Variants in CACNA2D3 observed in about 807,000 individuals in gnomAD.
The protein encoded by CACNA2D3 is calcium voltage-gated channel auxiliary subunit alpha2delta 3, also known as voltage-dependent calcium channel subunit alpha-2/delta-3.
Under a neutral mutation model 160.6 loss-of-function variants are expected in CACNA2D3, and 60 were observed. The ratio of observed to expected loss-of-function variants is 0.37; its 90% CI spans 0.30 to 0.46. The LOEUF (loss-of-function observed/expected upper bound fraction) is 0.46. Ranked by LOEUF, CACNA2D3 falls within the 20% of genes least tolerant of loss-of-function variation. CACNA2D3 has a pLI of 1.00. For missense variants in CACNA2D3, 1,205 were observed against 1,365.0 expected, an observed-to-expected ratio of 0.88 and a Z score of 1.85; for synonymous variants, 558 against 492.9, an observed-to-expected ratio of 1.13 and a Z score of -1.75.
chr3:54,400,721 C>T (rs116799609), intron 4 of CACNA2D3, among the ~76,000 whole-genome samples: 1 of 152,108 alleles, frequency 6.6e-6, no homozygotes, highest in Non-Finnish European at 1.5e-5. Context: ...CAAATTGGCA[C>T]AGTAAGACCC....
intron 14 of CACNA2D3, among the ~76,000 whole-genome samples, chr3:54,826,340 C>T (rs1016615293): frequency 6.6e-6 from 1 of 152,154 alleles, no homozygotes; most frequent in Non-Finnish European, 1.5e-5. Flanking sequence ...TAAACTGGAG[C>T]AGTTGTGCAA....
At chr3:54,339,543 T>G (rs1704469484) in intron 3 of CACNA2D3, among the ~76,000 whole-genome samples, 2 of 152,188 alleles carry the variant, frequency 1.3e-5, no homozygotes, top group Admixed American at 1.3e-4. Context: ...ACTAGAACTT[T>G]AGCCCAGTGA....
At chr3:54,316,076 GGT>G (rs10543331) in intron 2 of CACNA2D3, among the ~76,000 whole-genome samples, 98,591 of 150,638 alleles carry the variant, frequency 0.65, 32,767 homozygotes, top group Non-Finnish European at 0.74. Flanking sequence ...CTCCTAGCAG[GGT>G]GTGTGTGTGT....
In CACNA2D3 at chr3:54,386,788, G is replaced by GT; in HGVS notation, c.381+17dup. 1 of 1,578,786 alleles carries GT rather than the reference G, an allele frequency of 6.3e-7. No homozygotes were observed. Among genetic ancestry groups the GT allele is most frequent in the Non-Finnish European group, 8.6e-7 (1 of 1,160,566 alleles). The stretch of plus-strand genomic sequence containing the variant: ...GCAGACTTACAGGTAACTGATTATA[G>GT]TTTGAGTTAAATTGTTTTGTGTGTT... On this transcript the variant is annotated intron_variant, in intron 4 of 37. Coordinates refer to ENST00000474759, the MANE Select transcript of CACNA2D3 (RefSeq NM_018398.3).
chr3:54,816,255 A>C (rs1047192513), intron 13 of CACNA2D3, among the ~76,000 whole-genome samples: 2 of 152,228 alleles, frequency 1.3e-5, no homozygotes. Flanking sequence ...ATTGACTTTA[A>C]AAACAAGCAT....
At chr3:54,135,768 A>G (rs144496773) in intron 2 of CACNA2D3, among the ~76,000 whole-genome samples, 85 of 152,314 alleles carry the variant, frequency 5.6e-4, no homozygotes, top group African/African-American at 2.0e-3. Flanking sequence ...AGGAGATGAG[A>G]GGACTTTGGA....
intron 17 of CACNA2D3, among the ~76,000 whole-genome samples, chr3:54,866,827 C>G (rs779204348): frequency 6.6e-6 from 1 of 152,188 alleles, no homozygotes; most frequent in Non-Finnish European, 1.5e-5. Flanking sequence ...GCTTGCTCCT[C>G]GGATGAGTGC....
intron 11 of CACNA2D3, among the ~76,000 whole-genome samples, chr3:54,656,386 A>C (rs1420180582): frequency 6.6e-6 from 1 of 152,238 alleles, no homozygotes; most frequent in South Asian, 2.1e-4. Context: ...CTGGGACCCC[A>C]GTGAATGGCG....
intron 29 of CACNA2D3, among the ~76,000 whole-genome samples, chr3:54,972,967 CCCTGCTCT>C (rs1702308523): frequency 6.6e-6 from 1 of 152,140 alleles, no homozygotes; most frequent in South Asian, 2.1e-4. Context: ...TCAGAAAAGG[CCCTGCTCT>C]CCTGAAGCTT....
intron 10 of CACNA2D3, among the ~76,000 whole-genome samples, chr3:54,628,784 G>A (rs183887813): frequency 5.5e-4 from 84 of 152,248 alleles, no homozygotes; most frequent in Admixed American, 1.5e-3. Context: ...TCAGCAGGAG[G>A]CATCTCCTCT....
intron 27 of CACNA2D3, among the ~76,000 whole-genome samples, chr3:54,931,106 A>G (rs1010692013): frequency 2.0e-5 from 3 of 152,086 alleles, no homozygotes; most frequent in Non-Finnish European, 2.9e-5. Context: ...AAAACAAAAC[A>G]AAAAACAAAG....
At chr3:54,757,229 C>G (rs1701988965) in intron 12 of CACNA2D3, among the ~76,000 whole-genome samples, 1 of 152,214 alleles carries the variant, frequency 6.6e-6, no homozygotes, top group African/African-American at 2.4e-5. Flanking sequence ...AAAGAAGGGC[C>G]TCCATGTTTG....
chr3:54,279,143 A>G (rs4928030), intron 2 of CACNA2D3, among the ~76,000 whole-genome samples: 105,538 of 152,130 alleles, frequency 0.69, 37,275 homozygotes, highest in East Asian at 0.93. Context: ...TGAGGCTCCA[A>G]CGATGGAGAG....
At chr3:54,378,639 A>T (rs1165693946) in intron 3 of CACNA2D3, among the ~76,000 whole-genome samples, 3 of 152,240 alleles carry the variant, frequency 2.0e-5, no homozygotes, top group Non-Finnish European at 4.4e-5. Flanking sequence ...ATGGTTAAAT[A>T]GCCTTGATTT....
chr3:54,763,750 T>C lies in CACNA2D3; in HGVS notation c.1247-468T>C, dbSNP rs1466700817. Among the ~76,000 whole-genome samples, 31 of 64,506 alleles carry C rather than the reference T, an allele frequency of 4.8e-4. 5 individuals carry two copies. The highest frequency in any genetic ancestry group is 1.5e-3 in the Admixed American group (8 of 5,238). The allele number at this position is 64,506 out of a possible 152,430, so 42.3% of individuals were successfully genotyped here. Reference sequence around the variant, plus strand: ...ACATATATATGTGTATATATGTGCATATATATACACATATATATGTATATA... The same window carrying C: ...ACATATATATGTGTATATATGTGCACATATATACACATATATATGTATATA... On this transcript the variant is annotated intron_variant, in intron 12 of 37. Coordinates refer to ENST00000474759, the MANE Select transcript of CACNA2D3 (RefSeq NM_018398.3).
chr3:54,889,418 A>C (rs1700003365), intron 24 of CACNA2D3, among the ~76,000 whole-genome samples: 1 of 152,174 alleles, frequency 6.6e-6, no homozygotes, highest in Non-Finnish European at 1.5e-5. Context: ...CACAGAGAGA[A>C]GAGGTCCACT....
At chr3:55,050,409 T>C (rs973786531) in intron 35 of CACNA2D3, among the ~76,000 whole-genome samples, 13 of 151,650 alleles carry the variant, frequency 8.6e-5, no homozygotes, top group Non-Finnish European at 1.6e-4. Context: ...AATTCTTTTC[T>C]TTAAGAATGT....
At chr3:54,207,806 T>C (rs1045424873) in intron 2 of CACNA2D3, among the ~76,000 whole-genome samples, 5 of 151,886 alleles carry the variant, frequency 3.3e-5, no homozygotes, top group African/African-American at 1.2e-4. Context: ...AGCCACGAGA[T>C]AGGGCCGCTT....
chr3:54,844,024 T>A (rs1019443758), intron 16 of CACNA2D3, among the ~76,000 whole-genome samples: 1 of 151,958 alleles, frequency 6.6e-6, no homozygotes, highest in Non-Finnish European at 1.5e-5. Flanking sequence ...AGCACATGGA[T>A]CTGGGGAGCA....
Sources: allele counts gnomAD v4.1 joint callset (sites outside exome capture counted in the v4.1 genomes callset), GRCh38; gene constraint gnomAD v4.1.1; transcripts MANE v1.5; gene names NCBI Gene and HGNC (gene_info 2026-07-23, HGNC 2026-07-21).